CRY2: variants seen among roughly 807,000 people sequenced by gnomAD.
CRY2 encodes cryptochrome-2.
CRY2 carries 31 observed loss-of-function variants against 69.5 expected under a neutral mutation model. That is an observed-to-expected ratio of 0.45 (90% CI 0.34 to 0.60). The LOEUF (loss-of-function observed/expected upper bound fraction) is 0.60, where lower values mean the gene tolerates loss of function less well. Ranked by LOEUF, CRY2 falls within the 20% of genes least tolerant of loss-of-function variation. The pLI is 0.02. For synonymous variants in CRY2, 303 were observed against 312.2 expected (o/e 0.97, Z 0.31); for missense variants, 606 against 797.8 (o/e 0.76, Z 2.90).
chr11:45,867,891 T>G (rs1382202069), intron 6 of CRY2, 139 bp downstream of exon 6: 2 of 1,110,598 alleles, frequency 1.8e-6, no homozygotes, highest in African/African-American at 3.2e-5. Context: ...GTGCAGATAG[T>G]CCGGAGGAGG....
At chr11:45,858,617 C>T in intron 2 of CRY2, 114 bp from the exon 3 acceptor site, 1 of 1,145,868 alleles carries the variant, frequency 8.7e-7, no homozygotes, top group East Asian at 2.7e-5. Flanking sequence ...TTTTCTGCTG[C>T]CCATCAGATA....
intron 11 of CRY2, among the ~76,000 whole-genome samples, chr11:45,874,397 G>T (rs991752314): frequency 1.3e-5 from 2 of 152,182 alleles, no homozygotes; most frequent in African/African-American, 4.8e-5. Context: ...CTAACAAGGG[G>T]CCCAGAGATA....
intron 11 of CRY2, among the ~76,000 whole-genome samples, chr11:45,878,920 T>TAAA (rs57461093): frequency 1.4e-4 from 7 of 49,362 alleles, no homozygotes; most frequent in African/African-American, 5.6e-4. Flanking sequence ...CTCCATCTAT[T>TAAA]AAAAAAAAAA....
At chr11:45,858,095 A>G (rs1590763575) in intron 2 of CRY2, among the ~76,000 whole-genome samples, 1 of 152,330 alleles carries the variant, frequency 6.6e-6, no homozygotes, top group African/African-American at 2.4e-5. Context: ...CCTACCAGAA[A>G]TGACTAAAGG....
Position 45,860,958 on chromosome 11 carries a change from A to G in CRY2, c.578A>G (p.Gln193Arg). ...CCAGTGGGCTTGGTGACCAGCCAGC[A>G]GATGGAGAGCTGCAGGGCCGAGATC... ...KKPVGLVTSQ[Q>R]MESCRAEIQE... Residue 193 changes from glutamine to arginine, a missense_variant, in exon 4 of 12, where the codon CAG becomes CGG. Physicochemically the swap from Gln to Arg is conservative, Grantham distance 43. Around this residue, in one of 5 missense-constraint regions of CRY2, gnomAD observed 382 missense variants for 508.9 expected, o/e 0.75. Transcript: ENST00000616080. 1 of 1,614,140 alleles carries G rather than the reference A, an allele frequency of 6.2e-7. No individual in the cohort carries two copies. The highest frequency in any genetic ancestry group is 8.5e-7 in the Non-Finnish European group (1 of 1,180,044).
intron 2 of CRY2, 47 bp from the exon 3 acceptor site, chr11:45,858,684 C>A: frequency 1.3e-6 from 2 of 1,574,796 alleles, no homozygotes; most frequent in South Asian, 1.2e-5. Context: ...CAGCTTCCCC[C>A]TCCTCCCCAA....
intron 11 of CRY2, among the ~76,000 whole-genome samples, chr11:45,879,312 C>T (rs2086450209): frequency 6.6e-6 from 1 of 152,138 alleles, no homozygotes; most frequent in South Asian, 2.1e-4. Context: ...TGCCCAGCTT[C>T]CAGATAAATT....
intron 2 of CRY2, among the ~76,000 whole-genome samples, chr11:45,856,996 G>A (rs1354681977): frequency 1.3e-5 from 2 of 152,144 alleles, no homozygotes; most frequent in African/African-American, 4.8e-5. Context: ...ACAGAGGGCT[G>A]TGGGACAGAC....
intron 1 of CRY2, among the ~76,000 whole-genome samples, chr11:45,855,086 G>T (rs1389228852): frequency 1.3e-5 from 2 of 152,206 alleles, no homozygotes; most frequent in African/African-American, 4.8e-5. Context: ...CTCAGCAAAT[G>T]TTAATGTCCT....
intron 11 of CRY2, among the ~76,000 whole-genome samples, chr11:45,878,661 G>A (rs1053559280): frequency 1.3e-5 from 2 of 152,100 alleles, no homozygotes; most frequent in Admixed American, 6.6e-5. Context: ...GGTGGCTTAC[G>A]CCTGTAATCC....
Position 45,859,428 on chromosome 11 carries a change from G to C in CRY2, c.467+555G>C, listed in dbSNP as rs147246873. On this transcript the variant is annotated intron_variant, in intron 3 of 11. Transcript: ENST00000616080. ...AATAAATATATTAGCCATGCATGGT[G>C]GGACATGCCTGTAGTCCCAATTACT... Among the ~76,000 whole-genome samples the C allele has an allele frequency of 9.9e-5, 15 of 152,150 alleles. 1 individual carries two copies. The East Asian group carries it at 2.9e-3, about 29-fold the overall frequency.
chr11:45,860,386 T>TAA (rs34068985), intron 3 of CRY2, among the ~76,000 whole-genome samples: 12,170 of 130,298 alleles, frequency 0.093, 685 homozygotes, highest in Admixed American at 0.15. Context: ...ATGTTAGAGT[T>TAA]AAAAAAAAAA....
At chr11:45,854,125 A>C (rs2086219594) in intron 1 of CRY2, among the ~76,000 whole-genome samples, 1 of 152,254 alleles carries the variant, frequency 6.6e-6, no homozygotes, top group East Asian at 1.9e-4. Context: ...TCCAGTAGTC[A>C]GGGAATGTGA....
intron 3 of CRY2, among the ~76,000 whole-genome samples, chr11:45,859,491 G>T (rs1178592523): frequency 5.9e-5 from 9 of 151,894 alleles, no homozygotes; most frequent in Admixed American, 5.9e-4. Context: ...GAGCCCAGGG[G>T]CTTGAGGCTG....
chr11:45,861,941 C>T, intron 4 of CRY2, 119 bp from the exon 5 acceptor site: 1 of 823,808 alleles, frequency 1.2e-6, no homozygotes, highest in Non-Finnish European at 1.9e-6. Context: ...TTATCTAACC[C>T]CCAGTAGCAC....
intron 11 of CRY2, among the ~76,000 whole-genome samples, chr11:45,878,439 T>C (rs992197153): frequency 5.3e-5 from 8 of 152,222 alleles, no homozygotes; most frequent in Non-Finnish European, 1.2e-4. Flanking sequence ...TTCAGAAGAA[T>C]AGCCATCTCT....
At chr11:45,876,732 CT>C (rs1315451822) in intron 11 of CRY2, among the ~76,000 whole-genome samples, 1 of 152,212 alleles carries the variant, frequency 6.6e-6, no homozygotes, top group Non-Finnish European at 1.5e-5. Context: ...TAAAACCTGA[CT>C]TCTGGATTCT....
intron 6 of CRY2, among the ~76,000 whole-genome samples, chr11:45,868,464 C>T (rs75770284): frequency 0.018 from 2,695 of 152,250 alleles, 91 homozygotes; most frequent in African/African-American, 0.062. Context: ...CCCTCTGCCT[C>T]AGCCTCTCAA....
chr11:45,870,458 A>G lies in CRY2; in HGVS notation c.1475A>G (p.His492Arg), dbSNP rs1397663524. 1 of 1,614,240 alleles carries G rather than the reference A, an allele frequency of 6.2e-7. No homozygotes were observed. Among genetic ancestry groups the G allele is most frequent in the Non-Finnish European group, 8.5e-7 (1 of 1,180,050 alleles). Residue 492 changes from histidine to arginine, a missense_variant, in exon 9 of 12, where the codon CAT (histidine) becomes CGT (arginine). His to Arg is a conservative substitution (Grantham distance 29, BLOSUM62 0). Transcript: ENST00000616080. ...GVDYPRPIVN[H>R]AETSRLNIER... is the part of the protein sequence containing the mutation. ...GACTACCCACGGCCCATCGTCAACCATGCCGAGACCAGCCGGCTTAACATT... is the reference window on the plus strand; with the variant it reads ...GACTACCCACGGCCCATCGTCAACCGTGCCGAGACCAGCCGGCTTAACATT...
Sources: allele counts gnomAD v4.1 joint callset (sites outside exome capture counted in the v4.1 genomes callset), GRCh38; gene constraint gnomAD v4.1.1; regional missense constraint gnomAD v4.1.1; transcripts MANE v1.5; gene names NCBI Gene and HGNC (gene_info 2026-07-23, HGNC 2026-07-21).